The following NOL4L variants were observed in gnomAD, a reference collection of about 807,000 sequenced individuals.
NOL4L encodes nucleolar protein 4-like.
A neutral mutation model predicts 64.5 loss-of-function variants in NOL4L; 7 were observed. That is an observed-to-expected ratio of 0.11 (90% CI 0.06 to 0.20). NOL4L has a LOEUF of 0.20. NOL4L is among the 10% of genes least tolerant of loss of function. The pLI, the probability that NOL4L is intolerant of heterozygous loss-of-function variation, is 1.00. For missense variants in NOL4L, 680 were observed against 967.1 expected, an observed-to-expected ratio of 0.70 and a Z score of 3.94; for synonymous variants, 413 against 401.0, an observed-to-expected ratio of 1.03 and a Z score of -0.36.
At chr20:32,489,187 T>G (rs1281985140) in intron 4 of NOL4L, among the ~76,000 whole-genome samples, 1 of 151,562 alleles carries the variant, frequency 6.6e-6, no homozygotes, top group Non-Finnish European at 1.5e-5. Flanking sequence ...TTTTCCACTC[T>G]AAGATTACAA....
rs1313251439 is a variant in NOL4L at position 32,463,361 on chromosome 20, C to T, written c.842-6966G>A. 6.6e-6 allele frequency among the ~76,000 whole-genome samples: 1 copy of T among 152,294 alleles called. No individual in the cohort carries two copies. On this transcript the variant is annotated intron_variant, in intron 5 of 10. Coordinates refer to ENST00000621426, the MANE Select transcript of NOL4L (RefSeq NM_001256798.2). This position sits in a 1 kb window ranked among gnomAD's most constrained non-coding sequence, Gnocchi z 5.8. ...CACCCTTGAGGCCAACCTGCTGGGG[C>T]CCAGTGTGATGAAAGCAGGGTGGGC...
At chr20:32,538,845 G>A (rs2018604012) in intron 1 of NOL4L, among the ~76,000 whole-genome samples, 1 of 152,256 alleles carries the variant, frequency 6.6e-6, no homozygotes. Context: ...GGAGGGCAGG[G>A]GGGCCCGGCA....
intron 1 of NOL4L, among the ~76,000 whole-genome samples, chr20:32,566,286 T>G (rs887039055): frequency 1.3e-5 from 2 of 152,160 alleles, no homozygotes; most frequent in Middle Eastern, 3.2e-3. Flanking sequence ...CAGGGCCATC[T>G]GCGAATCCGT....
At chr20:32,509,560 G>A (rs967606598) in intron 4 of NOL4L, among the ~76,000 whole-genome samples, 1 of 151,256 alleles carries the variant, frequency 6.6e-6, no homozygotes, top group African/African-American at 2.4e-5. Context: ...GAAAATCTAG[G>A]GGTACTGCTG....
chr20:32,584,672 T>G lies in NOL4L; in HGVS notation c.219A>C (p.Lys73Asn). 1 of 1,547,412 alleles carries G rather than the reference T, an allele frequency of 6.5e-7. No individual in the cohort carries two copies. Among genetic ancestry groups the G allele is most frequent in the Non-Finnish European group, 8.7e-7 (1 of 1,145,480 alleles). ...GAGSGPAAGE[K>N]GKFQFWVRSK... ...AGCGCACCCAGAACTGGAACTTGCC[T>G]TTCTCGCCGGCTGCGGGGCCGCTGC... is the stretch of plus-strand genomic sequence containing the variant. The change falls in exon 1 of 11, where the codon AAA becomes AAC. Residue 73 changes from lysine to asparagine, a missense_variant. By Grantham distance (94) the Lys-to-Asn change is moderately conservative. Coordinates refer to ENST00000621426, the MANE Select transcript of NOL4L (RefSeq NM_001256798.2).
intron 4 of NOL4L, among the ~76,000 whole-genome samples, chr20:32,508,391 GT>G (rs2017224338): frequency 2.0e-5 from 3 of 152,190 alleles, no homozygotes. Context: ...AAATAATCTG[GT>G]GAGCCATGTG....
intron 1 of NOL4L, among the ~76,000 whole-genome samples, chr20:32,578,033 T>C (rs1338260473): frequency 3.3e-5 from 5 of 151,794 alleles, no homozygotes; most frequent in South Asian, 2.1e-4. Context: ...CAGTTCCATT[T>C]TACTGATGAG....
chr20:32,476,170 C>T (rs1037796017), intron 4 of NOL4L, among the ~76,000 whole-genome samples: 7 of 148,342 alleles, frequency 4.7e-5, no homozygotes, highest in African/African-American at 2.5e-5. Flanking sequence ...AGCCCTCCTT[C>T]GTGAAAACTC....
chr20:32,449,650 T>G (rs2012673006), intron 10 of NOL4L: 1 of 152,300 alleles, frequency 6.6e-6, no homozygotes, highest in African/African-American at 2.4e-5. Context: ...GGGAAGGGGT[T>G]GGGGCTGTGT....
chr20:32,559,818 C>T (rs1978889670), intron 1 of NOL4L, among the ~76,000 whole-genome samples: 1 of 152,378 alleles, frequency 6.6e-6, no homozygotes, highest in Admixed American at 6.5e-5. Context: ...GTGGGCATCC[C>T]TCTCGCCTGA....
intron 1 of NOL4L, among the ~76,000 whole-genome samples, chr20:32,581,428 C>T (rs1031175463): frequency 6.6e-6 from 1 of 152,186 alleles, no homozygotes; most frequent in Non-Finnish European, 1.5e-5. Context: ...GTCAGATCAT[C>T]GACCCGAGGC....
Position 32,456,291 on chromosome 20 carries a change from T to C in NOL4L, c.946A>G (p.Asn316Asp), listed in dbSNP as rs767339657. Reference protein sequence around the residue: ...GDPAFPEMNGNGAVAPMDFTT... With the variant: ...GDPAFPEMNGDGAVAPMDFTT... ...AAGTCCATGGGGGCCACGGCGCCGT[T>C]GCCATTCATCTCGGGGAAGGCAGGG... Residue 316 changes from asparagine (N) to aspartate (D), a missense_variant, in exon 6 of 11, where the codon AAC (asparagine) becomes GAC (aspartate). By Grantham distance (23) the Asn-to-Asp change is conservative (BLOSUM62 1). This residue lies in a region of NOL4L where 254 missense variants were observed against 238.7 expected (regional missense o/e 1.06). Coordinates refer to ENST00000621426, the MANE Select transcript of NOL4L (RefSeq NM_001256798.2). 2 of 1,584,154 alleles carry C rather than the reference T, an allele frequency of 1.3e-6. No individual in the cohort carries two copies. Among genetic ancestry groups the C allele is most frequent in the Non-Finnish European group, 1.7e-6 (2 of 1,162,740 alleles).
intron 4 of NOL4L, among the ~76,000 whole-genome samples, chr20:32,488,821 CTTTCTTTTTCTT>C (rs1436413372): frequency 0.027 from 831 of 31,094 alleles, 41 homozygotes; most frequent in Middle Eastern, 0.043. Flanking sequence ...TTCTTTCTTT[CTTTCTTTTTCTT>C]TCTTTCTTTC....
At chr20:32,509,951 GAA>G (rs1167174309) in intron 4 of NOL4L, 9 of 1,304,058 alleles carry the variant, frequency 6.9e-6, no homozygotes, top group Non-Finnish European at 9.1e-6. Flanking sequence ...CTACAGGAAA[GAA>G]AGGCCACAGA....
At chr20:32,584,133 G>GCACACACACACA (rs745461984) in intron 1 of NOL4L, among the ~76,000 whole-genome samples, 81 of 88,814 alleles carry the variant, frequency 9.1e-4, no homozygotes, top group Admixed American at 3.4e-3. Context: ...CTCCGCGCGC[G>GCACACACACACA]CACACACACA....
At chr20:32,477,167 A>G (rs2015448196) in intron 4 of NOL4L, among the ~76,000 whole-genome samples, 1 of 152,108 alleles carries the variant, frequency 6.6e-6, no homozygotes, top group Non-Finnish European at 1.5e-5. Flanking sequence ...AAACCATAAC[A>G]ACAGAAGGCA....
intron 4 of NOL4L, among the ~76,000 whole-genome samples, chr20:32,484,083 C>G (rs1443942295): frequency 6.6e-6 from 1 of 152,012 alleles, no homozygotes; most frequent in Non-Finnish European, 1.5e-5. Context: ...TGCGGTCAGG[C>G]CAGGAGAGGG....
At chr20:32,455,000 T>C (rs1455791871) in intron 6 of NOL4L, among the ~76,000 whole-genome samples, 1 of 152,178 alleles carries the variant, frequency 6.6e-6, no homozygotes, top group Non-Finnish European at 1.5e-5. Context: ...TTCGTCCACA[T>C]ACAGACTTGG....
Position 32,520,796 on chromosome 20 carries a change from C to T in NOL4L, c.589+15G>A, listed in dbSNP as rs562075720. The T allele has an allele frequency of 1.6e-4, 245 of 1,508,758 alleles. No individual in the cohort carries two copies. The highest frequency in any genetic ancestry group is 5.2e-4 in the East Asian group (21 of 40,702). 93.5% of individuals were successfully genotyped at this position (1,508,758 alleles called of 1,614,324 possible). A position where few individuals can be genotyped will look rare whatever the true frequency, so the allele number is the denominator to read the frequency against. On this transcript the variant is annotated intron_variant, in intron 3 of 10. Transcript: ENST00000621426. ...TGGCCCCCGCCCTAGCCCTCCAGCA[C>T]GCCACCCCTGCTACCTTTGGGTTCC...
Sources: gnomAD v4.1 joint callset for allele counts (sites outside exome capture counted in the v4.1 genomes callset) on GRCh38, gnomAD v4.1.1 for gene constraint, gnomAD v4.1.1 regional missense constraint, Gnocchi (gnomAD v3.1) non-coding constraint, MANE v1.5 for transcripts, NCBI Gene and HGNC (gene_info 2026-07-23, HGNC 2026-07-21) for gene names.